The following PNLIPRP3 variants were observed in gnomAD, a reference collection of about 807,000 sequenced individuals.
PNLIPRP3 encodes the protein pancreatic lipase related protein 3.
In PNLIPRP3, 58 loss-of-function variants were observed where a neutral mutation model predicts 52.8. The ratio of observed to expected loss-of-function variants is 1.10; its 90% CI spans 0.89 to 1.37. The LOEUF (loss-of-function observed/expected upper bound fraction) is 1.37, where lower values mean the gene tolerates loss of function less well. Ranked by LOEUF, PNLIPRP3 falls within the 40% of genes most tolerant of loss-of-function variation. The pLI, the probability that PNLIPRP3 is intolerant of heterozygous loss-of-function variation, is 0.00. For synonymous variants in PNLIPRP3, 192 were observed against 185.0 expected, an observed-to-expected ratio of 1.04 and a Z score of -0.31; for missense variants, 593 against 561.6, an observed-to-expected ratio of 1.06 and a Z score of -0.57.
chr10:116,455,843 T>A lies in PNLIPRP3; in HGVS notation c.565+13T>A. On this transcript the variant is annotated intron_variant, in intron 5 of 11. Coordinates refer to ENST00000369230, the MANE Select transcript of PNLIPRP3 (RefSeq NM_001011709.3). ...GGAAGAATAACTGGTAAGCATGCCC[T>A]GCAGTTGGGCCTTGAGTGTGTTTAA... The A allele has an allele frequency of 6.3e-7, 1 of 1,586,502 alleles. No homozygotes were observed. The highest frequency in any genetic ancestry group is 1.1e-5 in the South Asian group (1 of 90,282).
At position 116,476,529 on chromosome 10, in the gene PNLIPRP3, C is replaced by A; in HGVS notation, c.1173-123C>A. 5 of 707,270 alleles carry A rather than the reference C, an allele frequency of 7.1e-6. No homozygotes were observed. In the Middle Eastern group the frequency reaches 8.7e-4, roughly 123 times the overall value. The allele number at this position is 707,270 out of a possible 1,614,324, so 43.8% of individuals were successfully genotyped here. A position where few individuals can be genotyped will look rare whatever the true frequency, so the allele number is the denominator to read the frequency against. The stretch of plus-strand genomic sequence containing the variant: ...ATCAATACACATGGAAAGAATAAAT[C>A]TCCTACAAGCAAATGCTAGCAAATA... On this transcript the variant is annotated intron_variant, in intron 10 of 11. Transcript: ENST00000369230.
In PNLIPRP3 at chr10:116,427,868, G is replaced by A. The variant is rs566266073; in HGVS notation, c.-145G>A. On this transcript the variant is annotated 5_prime_UTR_variant, in exon 1 of 12. The change creates a new upstream start codon in the 5' untranslated region. Transcript: ENST00000369230. ...TTTTATTTACTTTGCAGAGCATAAG[G>A]TGGAATAACATGTTCTTTTAAACGT... 7.5e-6 allele frequency: 5 copies of A among 670,942 alleles called. No individual in the cohort carries two copies. The East Asian group carries it at 1.4e-4, about 18-fold the overall frequency. 41.6% of individuals were successfully genotyped at this position (670,942 alleles called of 1,614,324 possible).
chr10:116,470,204 G>C (rs72641370), intron 9 of PNLIPRP3, among the ~76,000 whole-genome samples: 10,296 of 152,120 alleles, frequency 0.068, 936 homozygotes, highest in East Asian at 0.39. Context: ...TAGGGTTTGA[G>C]AGTGTGTGTG....
chr10:116,436,017 T>C (rs960746541), intron 1 of PNLIPRP3, among the ~76,000 whole-genome samples: 4 of 152,016 alleles, frequency 2.6e-5, no homozygotes, highest in Admixed American at 2.6e-4. Context: ...TGGAACAGAG[T>C]AGAGCGTGCA....
intron 5 of PNLIPRP3, 108 bp downstream of exon 5, chr10:116,455,938 C>A: frequency 1.3e-6 from 1 of 786,056 alleles, no homozygotes; most frequent in South Asian, 1.8e-5. Context: ...TAAGATACTA[C>A]AAAATGTGAT....
At chr10:116,455,964 C>A in intron 5 of PNLIPRP3, 134 bp downstream of exon 5, 1 of 705,850 alleles carries the variant, frequency 1.4e-6, no homozygotes, top group Non-Finnish European at 2.4e-6. Flanking sequence ...TGAAATAAAA[C>A]GTGAACGTGT....
At chr10:116,462,704 A>G (rs1011418448) in intron 7 of PNLIPRP3, among the ~76,000 whole-genome samples, 1 of 152,130 alleles carries the variant, frequency 6.6e-6, no homozygotes, top group Non-Finnish European at 1.5e-5. Flanking sequence ...TTTCCCCATT[A>G]TTTTCTATAT....
At chr10:116,473,580 G>A (rs181203332) in intron 10 of PNLIPRP3, among the ~76,000 whole-genome samples, 1 of 151,704 alleles carries the variant, frequency 6.6e-6, no homozygotes, top group East Asian at 1.9e-4. Context: ...GGAGTGTAGT[G>A]GCATGATCTC....
chr10:116,466,177 A>G lies in PNLIPRP3; in HGVS notation c.927+9A>G. ...ACACATCTTTTAAAGCAGTAAGTAA[A>G]TCATCTTACTTGGAATTTAATTATA... is the stretch of plus-strand genomic sequence containing the variant. On this transcript the variant is annotated intron_variant, in intron 8 of 11. Transcript: ENST00000369230. 1.3e-6 allele frequency: 2 copies of G among 1,546,058 alleles called. No individual in the cohort carries two copies. Among genetic ancestry groups the G allele is most frequent in the Non-Finnish European group, 1.8e-6 (2 of 1,123,630 alleles).
chr10:116,459,603 A>T (rs1846161896), intron 5 of PNLIPRP3, among the ~76,000 whole-genome samples: 1 of 152,026 alleles, frequency 6.6e-6, no homozygotes, highest in Non-Finnish European at 1.5e-5. Context: ...TCTTCCACCG[A>T]ATCCTAGAAC....
At chr10:116,474,054 T>C (rs1431050667) in intron 10 of PNLIPRP3, among the ~76,000 whole-genome samples, 1 of 150,230 alleles carries the variant, frequency 6.7e-6, no homozygotes, top group Non-Finnish European at 1.5e-5. Flanking sequence ...ACTACAGGGC[T>C]ACAGTAACCA....
Position 116,461,279 on chromosome 10 carries a change from C to T in PNLIPRP3, c.797C>T (p.Ala266Val). 6.2e-7 allele frequency: 1 copy of T among 1,612,020 alleles called. No homozygotes were observed. Among genetic ancestry groups the T allele is most frequent in the Non-Finnish European group, 8.5e-7 (1 of 1,178,314 alleles). Reference protein sequence around the residue: ...ITPLLKFNFNAYKKEMASFFD... With the variant: ...ITPLLKFNFNVYKKEMASFFD... ...CCTTTACTGAAATTTAACTTCAATG[C>T]TTACAAAAAAGGTAAATACTTTCTA... The change falls in exon 7 of 12, where the codon GCT becomes GTT. Residue 266 changes from alanine to valine, a missense_variant. Physicochemically the swap from Ala to Val is moderately conservative, Grantham distance 64 (BLOSUM62 0). Transcript: ENST00000369230.
chr10:116,434,850 A>G (rs17094744), intron 1 of PNLIPRP3, among the ~76,000 whole-genome samples: 19,265 of 152,182 alleles, frequency 0.13, 1,503 homozygotes, highest in Admixed American at 0.25. Context: ...CAGGAGAAAT[A>G]TTAAGAAGCT....
At chr10:116,444,010 C>T (rs1467917250) in intron 3 of PNLIPRP3, among the ~76,000 whole-genome samples, 1 of 151,672 alleles carries the variant, frequency 6.6e-6, no homozygotes, top group African/African-American at 2.4e-5. Flanking sequence ...TTCAGCATAG[C>T]TGGGGAGGCC....
At chr10:116,462,055 A>G (rs1846199982) in intron 7 of PNLIPRP3, among the ~76,000 whole-genome samples, 1 of 152,124 alleles carries the variant, frequency 6.6e-6, no homozygotes, top group Non-Finnish European at 1.5e-5. Context: ...CACTCAAATG[A>G]GATAGGAGCC....
chr10:116,460,746 C>G (rs1213978131), intron 5 of PNLIPRP3, among the ~76,000 whole-genome samples: 1 of 151,956 alleles, frequency 6.6e-6, no homozygotes, highest in African/African-American at 2.4e-5. Flanking sequence ...AATTTGTTAG[C>G]TGTTTTGGCA....
intron 1 of PNLIPRP3, 71 bp downstream of exon 1, chr10:116,428,132 T>C: frequency 8.9e-7 from 1 of 1,122,936 alleles, no homozygotes; most frequent in Non-Finnish European, 1.3e-6. Context: ...GTAATTGACA[T>C]GAACTTATTC....
intron 4 of PNLIPRP3, among the ~76,000 whole-genome samples, chr10:116,445,502 T>G (rs1845932464): frequency 6.6e-6 from 1 of 152,032 alleles, no homozygotes; most frequent in Admixed American, 6.6e-5. Context: ...AGGTACAAGA[T>G]CTTTAGAGAA....
chr10:116,443,802 C>CATATATATAT (rs1200044232), intron 3 of PNLIPRP3, among the ~76,000 whole-genome samples: 5 of 13,088 alleles, frequency 3.8e-4, no homozygotes, highest in African/African-American at 5.7e-4. Flanking sequence ...TGTGTGTGTG[C>CATATATATAT]ATATATATAT....
Sources: gnomAD v4.1 joint callset for allele counts (sites outside exome capture counted in the v4.1 genomes callset) on GRCh38, gnomAD v4.1.1 for gene constraint, MANE v1.5 for transcripts, NCBI Gene and HGNC (gene_info 2026-07-23, HGNC 2026-07-21) for gene names.